The following GRK5 variants were observed in gnomAD, a reference collection of about 807,000 sequenced individuals.
The protein encoded by GRK5 is G protein-coupled receptor kinase 5, also known as g protein-coupled receptor kinase GRK5.
Under a neutral mutation model 78.4 loss-of-function variants are expected in GRK5, and 40 were observed. The ratio of observed to expected loss-of-function variants is 0.51; its 90% CI spans 0.40 to 0.66. The LOEUF (loss-of-function observed/expected upper bound fraction) is 0.66, where lower values mean the gene tolerates loss of function less well. GRK5 is among the 30% of genes least tolerant of loss of function. The probability of loss-of-function intolerance (pLI) is 0.00; values close to 1 mark genes in which losing one functional copy is unlikely to be tolerated. For synonymous variants in GRK5, 289 were observed against 296.8 expected (o/e 0.97, Z 0.27); for missense variants, 598 against 759.9 (o/e 0.79, Z 2.50).
intron 1 of GRK5, among the ~76,000 whole-genome samples, chr10:119,304,566 G>A (rs760980634): frequency 1.3e-5 from 2 of 152,142 alleles, no homozygotes; most frequent in African/African-American, 2.4e-5. Context: ...CCATTTTGTG[G>A]ATGCAGAAAC....
At chr10:119,435,928 G>T (rs1268045101) in intron 8 of GRK5, among the ~76,000 whole-genome samples, 2 of 152,188 alleles carry the variant, frequency 1.3e-5, no homozygotes, top group South Asian at 2.1e-4. Flanking sequence ...AAGGTGAAAG[G>T]CACTTCTTAC....
intron 1 of GRK5, among the ~76,000 whole-genome samples, chr10:119,258,618 C>T (rs536475266): frequency 2.6e-5 from 4 of 152,264 alleles, no homozygotes; most frequent in South Asian, 2.1e-4. Flanking sequence ...ATGGGCTTGG[C>T]GTTTTAATTG....
chr10:119,304,083 G>C (rs1850231675), intron 1 of GRK5, among the ~76,000 whole-genome samples: 1 of 152,032 alleles, frequency 6.6e-6, no homozygotes, highest in Non-Finnish European at 1.5e-5. Context: ...GGGGATGTTG[G>C]AAAACTCAGA....
chr10:119,338,184 CCTT>C (rs547173433), intron 2 of GRK5, among the ~76,000 whole-genome samples: 105 of 152,274 alleles, frequency 6.9e-4, no homozygotes, highest in African/African-American at 2.4e-3. Flanking sequence ...GGTGGACACT[CCTT>C]CTCTCCTGAG....
intron 1 of GRK5, among the ~76,000 whole-genome samples, chr10:119,275,619 A>G (rs1054169669): frequency 1.5e-4 from 20 of 135,406 alleles, no homozygotes; most frequent in South Asian, 9.8e-4. Flanking sequence ...TCTCGCACAC[A>G]CACACACACA....
At chr10:119,419,917 TC>T (rs1230505667) in intron 4 of GRK5, among the ~76,000 whole-genome samples, 3 of 152,206 alleles carry the variant, frequency 2.0e-5, no homozygotes, top group Non-Finnish European at 4.4e-5. Flanking sequence ...AGCACCCTGG[TC>T]CTCATGCTGA....
chr10:119,297,986 C>G (rs1341076341), intron 1 of GRK5, among the ~76,000 whole-genome samples: 1 of 152,128 alleles, frequency 6.6e-6, no homozygotes, highest in Non-Finnish European at 1.5e-5. Flanking sequence ...GGGCTCAGGA[C>G]CCTACCCTCA....
intron 8 of GRK5, among the ~76,000 whole-genome samples, chr10:119,433,851 A>G (rs749925897): frequency 3.9e-5 from 6 of 152,188 alleles, no homozygotes; most frequent in Non-Finnish European, 7.3e-5. Flanking sequence ...CCCTTTGCCA[A>G]GTGGACCAGT....
intron 1 of GRK5, chr10:119,212,721 G>A (rs887598880): frequency 1.3e-5 from 2 of 152,168 alleles, no homozygotes; most frequent in Non-Finnish European, 2.9e-5. Context: ...ATTGTCATAG[G>A]TCATGCAACT....
intron 4 of GRK5, among the ~76,000 whole-genome samples, chr10:119,413,831 C>T (rs1019328097): frequency 6.6e-6 from 1 of 152,170 alleles, no homozygotes; most frequent in Non-Finnish European, 1.5e-5. Context: ...TAGGCCGGCC[C>T]GTCCCTCAGG....
intron 1 of GRK5, among the ~76,000 whole-genome samples, chr10:119,272,229 C>G (rs1168304150): frequency 6.6e-6 from 1 of 152,234 alleles, no homozygotes; most frequent in East Asian, 1.9e-4. Flanking sequence ...CTCTCACCAG[C>G]TGTGTGAGCT....
At chr10:119,212,642 G>A (rs1013002788) in intron 1 of GRK5, among the ~76,000 whole-genome samples, 2 of 152,196 alleles carry the variant, frequency 1.3e-5, no homozygotes, top group Admixed American at 6.5e-5. Context: ...TGTTTGGAGT[G>A]CAAGATAAAG....
At chr10:119,318,543 C>T (rs551800383) in intron 1 of GRK5, among the ~76,000 whole-genome samples, 2 of 152,244 alleles carry the variant, frequency 1.3e-5, no homozygotes, top group Admixed American at 6.5e-5. Flanking sequence ...TGTCAGTGTC[C>T]TTTGGAGGAG....
intron 2 of GRK5, among the ~76,000 whole-genome samples, chr10:119,350,119 G>A (rs1021696396): frequency 5.3e-5 from 8 of 152,250 alleles, no homozygotes; most frequent in Non-Finnish European, 7.3e-5. Context: ...AGGCTGGGAC[G>A]GGGCTGGAGG....
chr10:119,366,745 C>T lies in GRK5; in HGVS notation c.149-14070C>T, dbSNP rs191806971. On this transcript the variant is annotated intron_variant, in intron 2 of 15. Transcript: ENST00000392870. ...GGTGACAGGGGTGCCTCCTCCCCAC[C>T]GTGGACCCCTAGAGGTTGCCAGATG... Among the ~76,000 whole-genome samples the T allele has an allele frequency of 2.7e-4, 41 of 152,286 alleles. No homozygotes were observed. The East Asian group carries it at 7.7e-3, about 29-fold the overall frequency.
intron 4 of GRK5, among the ~76,000 whole-genome samples, chr10:119,415,496 TG>T (rs1852432242): frequency 6.6e-6 from 1 of 152,272 alleles, no homozygotes; most frequent in East Asian, 1.9e-4. Context: ...AAAACTCCTT[TG>T]GGGACCATTG....
intron 1 of GRK5, among the ~76,000 whole-genome samples, chr10:119,254,634 A>G (rs1849251945): frequency 6.6e-6 from 1 of 152,164 alleles, no homozygotes; most frequent in Non-Finnish European, 1.5e-5. Context: ...GGCCTGGGTC[A>G]GGTGCCCAGC....
At chr10:119,351,711 A>T (rs1009078681) in intron 2 of GRK5, among the ~76,000 whole-genome samples, 2 of 152,216 alleles carry the variant, frequency 1.3e-5, no homozygotes, top group Non-Finnish European at 2.9e-5. Flanking sequence ...TCTGGAAAAA[A>T]TAAGTTCAGG....
At chr10:119,233,747 C>T (rs1418452755) in intron 1 of GRK5, among the ~76,000 whole-genome samples, 1 of 151,974 alleles carries the variant, frequency 6.6e-6, no homozygotes, top group East Asian at 1.9e-4. Flanking sequence ...GAGGAGCCAG[C>T]CCCCTGAGTC....
Sources: allele counts gnomAD v4.1 joint callset (sites outside exome capture counted in the v4.1 genomes callset), GRCh38; gene constraint gnomAD v4.1.1; transcripts MANE v1.5; gene names NCBI Gene and HGNC (gene_info 2026-07-23, HGNC 2026-07-21).